LRBA: variants seen among roughly 807,000 people sequenced by gnomAD.
LRBA encodes lipopolysaccharide-responsive and beige-like anchor protein.
In LRBA, 176 loss-of-function variants were observed where a neutral mutation model predicts 330.0. The observed-to-expected ratio is 0.53, with a 90% CI of 0.47 to 0.60. The LOEUF (loss-of-function observed/expected upper bound fraction) is 0.60, where lower values mean the gene tolerates loss of function less well. LRBA is among the 20% of genes least tolerant of loss of function. The pLI is 0.00. For missense variants in LRBA, 3,259 were observed against 3,444.8 expected (o/e 0.95, Z 1.35); for synonymous variants, 1,230 against 1,193.0 (o/e 1.03, Z -0.64).
intron 47 of LRBA, among the ~76,000 whole-genome samples, chr4:150,405,950 G>A (rs572092324): frequency 1.1e-4 from 16 of 152,074 alleles, no homozygotes; most frequent in Non-Finnish European, 2.1e-4. Flanking sequence ...AGCTACTCAG[G>A]AGGCTGTGGT....
intron 36 of LRBA, among the ~76,000 whole-genome samples, chr4:150,716,039 A>C (rs1346463768): frequency 6.6e-6 from 1 of 152,226 alleles, no homozygotes; most frequent in African/African-American, 2.4e-5. Context: ...ATATAGCTCG[A>C]AACAAACATC....
In LRBA at chr4:150,802,739, T is replaced by C. The variant is rs537673149; in HGVS notation, c.5518+3532A>G. ...TCAAGTCTTCAAAATATACAGGGCA[T>C]ATGGCCAGACGCAGTGGCTCAGGCC... On this transcript the variant is annotated intron_variant, in intron 33 of 56. Coordinates refer to ENST00000651943, the MANE Select transcript of LRBA (RefSeq NM_001364905.1). Among the ~76,000 whole-genome samples, 14 of 152,142 alleles carry C rather than the reference T, an allele frequency of 9.2e-5. No homozygotes were observed. In the East Asian group the frequency reaches 2.5e-3, roughly 27 times the overall value.
At chr4:150,885,825 C>T (rs1210221343) in intron 17 of LRBA, among the ~76,000 whole-genome samples, 1 of 152,026 alleles carries the variant, frequency 6.6e-6, no homozygotes, top group African/African-American at 2.4e-5. Flanking sequence ...AGAAAGAAAA[C>T]TGCAATTTAA....
intron 46 of LRBA, among the ~76,000 whole-genome samples, chr4:150,433,244 A>T (rs1750667563): frequency 6.6e-6 from 1 of 152,186 alleles, no homozygotes; most frequent in Admixed American, 6.5e-5. Flanking sequence ...TTTTGATGTT[A>T]TAGTTGTTTA....
chr4:150,582,755 A>G (rs1400627852), intron 40 of LRBA: 2 of 386,116 alleles, frequency 5.2e-6, no homozygotes, highest in African/African-American at 4.0e-5. Context: ...AGAGAAAGCA[A>G]AAAGGTTCCA....
At chr4:150,938,329 T>A (rs1022502869) in intron 2 of LRBA, among the ~76,000 whole-genome samples, 1 of 152,184 alleles carries the variant, frequency 6.6e-6, no homozygotes, top group African/African-American at 2.4e-5. Context: ...CCAGGAATCC[T>A]TTCCTAAGTG....
At chr4:150,557,364 G>T (rs1173498326) in intron 40 of LRBA, among the ~76,000 whole-genome samples, 1 of 152,136 alleles carries the variant, frequency 6.6e-6, no homozygotes, top group East Asian at 1.9e-4. Context: ...AACTGATAAA[G>T]ATGGAAGAAG....
chr4:150,287,681 G>A (rs1466693626), intron 53 of LRBA, among the ~76,000 whole-genome samples: 3 of 152,222 alleles, frequency 2.0e-5, no homozygotes. Context: ...CCACACTGGC[G>A]TGCTATGTGC....
rs147988752 is a variant in LRBA, at chr4:150,864,559, A to G, written c.2766+3112T>C. Among the ~76,000 whole-genome samples the G allele has an allele frequency of 4.5e-3, 678 of 151,980 alleles. 4 individuals carry two copies. The highest frequency in any genetic ancestry group is 0.016 in the African/African-American group (656 of 41,458). On this transcript the variant is annotated intron_variant, in intron 22 of 56. Coordinates refer to ENST00000651943, the MANE Select transcript of LRBA (RefSeq NM_001364905.1). ...GCATATATTGGTTTGGCTGAAGTATATAAAGAAAATCCACCCTCATACAGC... is the reference window on the plus strand; with the variant it reads ...GCATATATTGGTTTGGCTGAAGTATGTAAAGAAAATCCACCCTCATACAGC...
At chr4:150,366,497 C>G (rs1739484388) in intron 47 of LRBA, among the ~76,000 whole-genome samples, 2 of 152,086 alleles carry the variant, frequency 1.3e-5, no homozygotes, top group South Asian at 4.1e-4. Context: ...AACAGCATGG[C>G]AAGAGTTAAT....
At chr4:150,685,151 A>T (rs1783421427) in intron 36 of LRBA, among the ~76,000 whole-genome samples, 1 of 151,688 alleles carries the variant, frequency 6.6e-6, no homozygotes, top group South Asian at 2.1e-4. Flanking sequence ...TGAGAGCAGA[A>T]CTATGAAAAT....
chr4:150,835,279 G>A (rs1202335130), intron 28 of LRBA, among the ~76,000 whole-genome samples: 1 of 152,152 alleles, frequency 6.6e-6, no homozygotes, highest in Non-Finnish European at 1.5e-5. Context: ...GATTACATTG[G>A]AAATGCAGGC....
At chr4:150,897,465 C>G (rs546603276) in intron 15 of LRBA, among the ~76,000 whole-genome samples, 1 of 152,066 alleles carries the variant, frequency 6.6e-6, no homozygotes, top group East Asian at 1.9e-4. Context: ...CTAACAGAAA[C>G]ATAGTAAATA....
chr4:150,378,756 T>C (rs1413945811), intron 47 of LRBA, among the ~76,000 whole-genome samples: 1 of 152,088 alleles, frequency 6.6e-6, no homozygotes, highest in East Asian at 1.9e-4. Context: ...CATAACCACA[T>C]GATGAAAGCA....
intron 34 of LRBA, among the ~76,000 whole-genome samples, chr4:150,765,718 T>C (rs1038757535): frequency 1.3e-5 from 2 of 152,004 alleles, no homozygotes; most frequent in African/African-American, 4.8e-5. Context: ...ATGGATGAAA[T>C]AGATAACAGC....
intron 27 of LRBA, 84 bp from the exon 28 acceptor site, chr4:150,844,291 C>T: frequency 1.4e-6 from 1 of 721,080 alleles, no homozygotes; most frequent in Non-Finnish European, 2.1e-6. Context: ...ACACAGTATT[C>T]CCAGAACCAG....
At chr4:150,775,970 A>G (rs1434401479) in intron 34 of LRBA, among the ~76,000 whole-genome samples, 1 of 152,156 alleles carries the variant, frequency 6.6e-6, no homozygotes, top group African/African-American at 2.4e-5. Flanking sequence ...TATGTAATTC[A>G]TAGTACATTT....
At chr4:150,723,880 G>C (rs1359051672) in intron 36 of LRBA, among the ~76,000 whole-genome samples, 1 of 152,186 alleles carries the variant, frequency 6.6e-6, no homozygotes, top group Non-Finnish European at 1.5e-5. Flanking sequence ...CAAGCTGACA[G>C]AAGAGCCCCT....
rs1783191124 is a variant in LRBA at position 150,683,079 on chromosome 4, A to G, written c.5921+472T>C. 2.6e-5 allele frequency among the ~76,000 whole-genome samples: 4 copies of G among 152,248 alleles called. 1 individual carries two copies. In the South Asian group the frequency reaches 8.3e-4, roughly 32 times the overall value. Reference sequence around the variant, plus strand: ...ATCACAGTCCTGAAATTTGCAACATAAGAAAAAAAATCATTTTATTGTATT... The same window carrying G: ...ATCACAGTCCTGAAATTTGCAACATGAGAAAAAAAATCATTTTATTGTATT... On this transcript the variant is annotated intron_variant, in intron 37 of 56. Transcript: ENST00000651943.
Sources: allele counts gnomAD v4.1 joint callset (sites outside exome capture counted in the v4.1 genomes callset), GRCh38; gene constraint gnomAD v4.1.1; transcripts MANE v1.5; gene names NCBI Gene and HGNC (gene_info 2026-07-23, HGNC 2026-07-21).